CSRNP3: variants seen among roughly 807,000 people sequenced by gnomAD.
The protein encoded by CSRNP3 is cysteine/serine-rich nuclear protein 3.
A neutral mutation model predicts 48.0 loss-of-function variants in CSRNP3; 12 were observed. The ratio of observed to expected loss-of-function variants is 0.25; its 90% CI spans 0.16 to 0.41. The LOEUF (loss-of-function observed/expected upper bound fraction) is 0.41, where lower values mean the gene tolerates loss of function less well. Ranked by LOEUF, CSRNP3 falls within the 10% of genes least tolerant of loss-of-function variation. The pLI, the probability that CSRNP3 is intolerant of heterozygous loss-of-function variation, is 1.00. For missense variants in CSRNP3, 580 were observed against 724.4 expected, an observed-to-expected ratio of 0.80 and a Z score of 2.29; for synonymous variants, 263 against 269.7, an observed-to-expected ratio of 0.98 and a Z score of 0.24.
chr2:165,610,303 C>T (rs941074519), intron 4 of CSRNP3, among the ~76,000 whole-genome samples: 4 of 152,060 alleles, frequency 2.6e-5, no homozygotes, highest in Non-Finnish European at 5.9e-5. Flanking sequence ...TCCAAATTTC[C>T]GCAAACATAA....
chr2:165,531,255 T>G (rs1479793549), intron 3 of CSRNP3, among the ~76,000 whole-genome samples: 2 of 152,168 alleles, frequency 1.3e-5, no homozygotes, highest in African/African-American at 4.8e-5. Flanking sequence ...TATCCTTATC[T>G]TCCTACTCCA....
At chr2:165,594,795 C>T (rs1685781858) in intron 3 of CSRNP3, among the ~76,000 whole-genome samples, 1 of 152,052 alleles carries the variant, frequency 6.6e-6, no homozygotes. Context: ...AATGATATTA[C>T]ATTAAAATGA....
rs983835827 is a variant in CSRNP3, at chr2:165,553,448, A to G, written c.-24+35487A>G. 2.4e-4 allele frequency among the ~76,000 whole-genome samples: 37 copies of G among 152,354 alleles called. 1 individual carries two copies. The highest frequency in any genetic ancestry group is 8.2e-4 in the African/African-American group (34 of 41,586). On this transcript the variant is annotated intron_variant, in intron 3 of 6. Transcript: ENST00000651982. ...CATACAGCCAAACGTGGCTGGAGAA[A>G]GTGCACAACTGTGCTAAGGTATTTC... is the stretch of plus-strand genomic sequence containing the variant.
At chr2:165,600,164 A>G (rs1415689915) in intron 4 of CSRNP3, among the ~76,000 whole-genome samples, 1 of 141,472 alleles carries the variant, frequency 7.1e-6, no homozygotes, top group African/African-American at 2.7e-5. Flanking sequence ...GTTCCCACCT[A>G]TGAGTGAGAA....
intron 3 of CSRNP3, among the ~76,000 whole-genome samples, chr2:165,527,142 C>T (rs1684742300): frequency 6.7e-6 from 1 of 149,628 alleles, no homozygotes; most frequent in Non-Finnish European, 1.5e-5. Context: ...CTGAAATATA[C>T]ACATAAGTGA....
chr2:165,511,175 A>C (rs562250791), intron 2 of CSRNP3, among the ~76,000 whole-genome samples: 1 of 152,186 alleles, frequency 6.6e-6, no homozygotes, highest in Non-Finnish European at 1.5e-5. Flanking sequence ...GACCTCGATA[A>C]GTGTTATTTC....
intron 2 of CSRNP3, among the ~76,000 whole-genome samples, chr2:165,497,926 A>T (rs1295246342): frequency 2.0e-5 from 3 of 152,162 alleles, no homozygotes; most frequent in Non-Finnish European, 4.4e-5. Flanking sequence ...AATAGAATGA[A>T]TCTATCTTTT....
intron 3 of CSRNP3, among the ~76,000 whole-genome samples, chr2:165,559,855 A>G (rs1685208895): frequency 7.8e-6 from 1 of 128,600 alleles, no homozygotes; most frequent in African/African-American, 3.0e-5. Flanking sequence ...GCTGGAGTGC[A>G]GTGGCACGAT....
intron 4 of CSRNP3, among the ~76,000 whole-genome samples, chr2:165,642,103 AACACACACACACACACACAC>A (rs58624766): frequency 1.5e-5 from 2 of 132,104 alleles, no homozygotes; most frequent in Non-Finnish European, 3.4e-5. Context: ...CACACACACA[AACACACACACACACACACAC>A]ACACACACAC....
intron 3 of CSRNP3, 53 bp from the exon 4 acceptor site, chr2:165,594,990 C>A: frequency 6.5e-7 from 1 of 1,546,938 alleles, no homozygotes; most frequent in South Asian, 1.2e-5. Context: ...ACCTTGGCTA[C>A]ACGTTCAGCG....
intron 3 of CSRNP3, among the ~76,000 whole-genome samples, chr2:165,586,500 A>G (rs1339924201): frequency 6.6e-6 from 1 of 152,090 alleles, no homozygotes; most frequent in Admixed American, 6.5e-5. Flanking sequence ...CCAAATGTCA[A>G]TTTTTTTAAT....
intron 1 of CSRNP3, among the ~76,000 whole-genome samples, chr2:165,481,756 C>T (rs1684046137): frequency 6.6e-6 from 1 of 152,122 alleles, no homozygotes; most frequent in Admixed American, 6.5e-5. Context: ...GAAATTAGAA[C>T]ACCTACAACA....
chr2:165,589,541 G>A lies in CSRNP3; in HGVS notation c.-23-5502G>A, dbSNP rs574835422. Reference sequence around the variant, plus strand: ...TAATTATATGAATGTTTAATTGTTAGCTTAAATACTGATCACACTCTTAGC... The same window carrying A: ...TAATTATATGAATGTTTAATTGTTAACTTAAATACTGATCACACTCTTAGC... On this transcript the variant is annotated intron_variant, in intron 3 of 6. Transcript: ENST00000651982. 1.8e-4 allele frequency among the ~76,000 whole-genome samples: 27 copies of A among 152,234 alleles called. 1 individual carries two copies. The highest frequency in any genetic ancestry group is 1.5e-5 in the Non-Finnish European group (1 of 68,012).
At chr2:165,508,463 T>G (rs530850654) in intron 2 of CSRNP3, among the ~76,000 whole-genome samples, 1 of 152,186 alleles carries the variant, frequency 6.6e-6, no homozygotes, top group South Asian at 2.1e-4. Context: ...ATTTCTTCCT[T>G]TCTTTCTTCT....
intron 1 of CSRNP3, among the ~76,000 whole-genome samples, chr2:165,481,135 A>G (rs1315637313): frequency 1.3e-5 from 2 of 152,192 alleles, no homozygotes. Flanking sequence ...AATGTATTAG[A>G]CACAAAACCC....
chr2:165,608,981 C>A (rs1378796819), intron 4 of CSRNP3, among the ~76,000 whole-genome samples: 1 of 148,228 alleles, frequency 6.7e-6, no homozygotes, highest in African/African-American at 2.5e-5. Context: ...GTGGCGGGCG[C>A]CTGTAGTCCC....
At chr2:165,619,313 T>A (rs193285522) in intron 4 of CSRNP3, among the ~76,000 whole-genome samples, 1 of 152,318 alleles carries the variant, frequency 6.6e-6, no homozygotes, top group Non-Finnish European at 1.5e-5. Flanking sequence ...ACAGGATATT[T>A]ATCTTCCTAC....
At chr2:165,638,080 T>C (rs921141125) in intron 4 of CSRNP3, among the ~76,000 whole-genome samples, 3 of 152,246 alleles carry the variant, frequency 2.0e-5, no homozygotes, top group African/African-American at 7.2e-5. Flanking sequence ...GTCATTTTAC[T>C]CAACCATTTC....
At chr2:165,536,930 C>T (rs1047794021) in intron 3 of CSRNP3, among the ~76,000 whole-genome samples, 4 of 151,830 alleles carry the variant, frequency 2.6e-5, no homozygotes, top group African/African-American at 9.7e-5. Context: ...CCACATGCTG[C>T]ACTGGCTATA....
Sources: gnomAD v4.1 joint callset for allele counts (sites outside exome capture counted in the v4.1 genomes callset) on GRCh38, gnomAD v4.1.1 for gene constraint, MANE v1.5 for transcripts, NCBI Gene and HGNC (gene_info 2026-07-23, HGNC 2026-07-21) for gene names.